The following WDR49 variants were observed in gnomAD, a reference collection of about 807,000 sequenced individuals.
The protein encoded by WDR49 is WD repeat domain 49, also known as cilia- and flagella-associated protein 337.
A neutral mutation model predicts 119.5 loss-of-function variants in WDR49; 107 were observed. The ratio of observed to expected loss-of-function variants is 0.90; its 90% CI spans 0.77 to 1.05. The LOEUF is 1.05. WDR49 is among the 50% of genes least tolerant of loss of function. The pLI is 0.00. For synonymous variants in WDR49, 425 were observed against 418.8 expected (o/e 1.01, Z -0.18); for missense variants, 1,240 against 1,220.5 (o/e 1.02, Z -0.24).
chr3:167,515,538 A>G (rs997248466), intron 16 of WDR49, among the ~76,000 whole-genome samples: 3 of 152,190 alleles, frequency 2.0e-5, no homozygotes, highest in African/African-American at 7.2e-5. Flanking sequence ...ATCATACTGA[A>G]TGGGCAAAAG....
chr3:167,616,954 G>A (rs576596557), intron 5 of WDR49, among the ~76,000 whole-genome samples: 3 of 152,278 alleles, frequency 2.0e-5, no homozygotes, highest in Non-Finnish European at 4.4e-5. Flanking sequence ...TTCATGTGAG[G>A]CATTCAAATT....
chr3:167,505,164 C>T, intron 17 of WDR49, 143 bp downstream of exon 17: 1 of 1,143,450 alleles, frequency 8.7e-7, no homozygotes, highest in Non-Finnish European at 1.1e-6. Flanking sequence ...CACTTTTCTC[C>T]TTTGTTAAAT....
chr3:167,547,068 C>T (rs1712250242), intron 10 of WDR49, among the ~76,000 whole-genome samples: 1 of 151,804 alleles, frequency 6.6e-6, no homozygotes, highest in Non-Finnish European at 1.5e-5. Flanking sequence ...TACCTGCCCC[C>T]TCTTTCCCTC....
chr3:167,482,101 C>G (rs542150710), intron 18 of WDR49, among the ~76,000 whole-genome samples: 18 of 152,092 alleles, frequency 1.2e-4, no homozygotes, highest in African/African-American at 3.4e-4. Context: ...TGTTATTAGA[C>G]TTTAGAGATA....
intron 18 of WDR49, among the ~76,000 whole-genome samples, chr3:167,483,959 A>G (rs1750823174): frequency 6.6e-6 from 1 of 152,234 alleles, no homozygotes; most frequent in African/African-American, 2.4e-5. Flanking sequence ...ATTCATAGTA[A>G]CATCTGCTAA....
rs185656959 is a variant in WDR49 at position 167,536,912 on chromosome 3, T to G, written c.1912A>C (p.Ile638Leu). 2 of 1,545,888 alleles carry G rather than the reference T, an allele frequency of 1.3e-6. No individual in the cohort carries two copies. The highest frequency in any genetic ancestry group is 5.0e-5 in the East Asian group (2 of 40,230). ...WKGGIQHHDD[I>L]LCAAFLPPQT... is the part of the protein sequence containing the mutation. ...GGAGGTAAAAACGCAGCACACAAGA[T>G]GTCATCATGGTGCTGTATACCTCCT... Residue 638 changes from isoleucine (I) to leucine (L), a missense_variant, in exon 11 of 19, where the codon ATC becomes CTC. Coordinates refer to ENST00000682715, the MANE Select transcript of WDR49 (RefSeq NM_001366157.1).
At chr3:167,618,542 G>A (rs1249229837) in intron 5 of WDR49, among the ~76,000 whole-genome samples, 1 of 152,102 alleles carries the variant, frequency 6.6e-6, no homozygotes, top group Non-Finnish European at 1.5e-5. Context: ...TCAAAGAACT[G>A]AGAAATATAT....
At chr3:167,505,501 AAAAAAC>A (rs929826785) in intron 16 of WDR49, 85 bp from the exon 17 acceptor site, 122 of 1,368,598 alleles carry the variant, frequency 8.9e-5, no homozygotes, top group Non-Finnish European at 1.2e-4. Context: ...CTTTGACCAA[AAAAAAC>A]AAAAACAAAA....
intron 16 of WDR49, among the ~76,000 whole-genome samples, chr3:167,514,906 A>T (rs1360151250): frequency 6.6e-6 from 1 of 152,178 alleles, no homozygotes; most frequent in African/African-American, 2.4e-5. Flanking sequence ...ATTCCTGGAC[A>T]CAAACACCCT....
At chr3:167,507,076 C>T (rs1751797468) in intron 16 of WDR49, among the ~76,000 whole-genome samples, 1 of 152,116 alleles carries the variant, frequency 6.6e-6, no homozygotes, top group African/African-American at 2.4e-5. Context: ...GTAATGTTTA[C>T]AATAGCTACT....
intron 3 of WDR49, among the ~76,000 whole-genome samples, chr3:167,623,941 T>G (rs1023691426): frequency 1.3e-5 from 2 of 151,916 alleles, no homozygotes; most frequent in South Asian, 4.1e-4. Flanking sequence ...CCAAAGGCGG[T>G]GTTAAGAGAA....
intron 10 of WDR49, among the ~76,000 whole-genome samples, chr3:167,549,735 T>C (rs1712436005): frequency 6.6e-6 from 1 of 152,206 alleles, no homozygotes; most frequent in Admixed American, 6.5e-5. Context: ...TTGTTGCCAT[T>C]GCTTTTGGTG....
At chr3:167,586,176 G>T (rs1191315543) in intron 7 of WDR49, among the ~76,000 whole-genome samples, 2 of 152,150 alleles carry the variant, frequency 1.3e-5, no homozygotes, top group East Asian at 3.8e-4. Context: ...ACCAAATCAG[G>T]ATTAGTGGCC....
rs57991972 is a variant in WDR49, at chr3:167,615,443, TAAAAAAAA to T, written c.958+4978_958+4985del. The stretch of plus-strand genomic sequence containing the variant: ...GGACCACCACTCCCGGCTCTCCATT[TAAAAAAAA>T]AAAAAAAAAAAGAAAGAAAGAAATT... On this transcript the variant is annotated intron_variant, in intron 5 of 18. Transcript: ENST00000682715. 1.3e-4 allele frequency among the ~76,000 whole-genome samples: 18 copies of T among 135,108 alleles called. No individual in the cohort carries two copies. In the South Asian group the frequency reaches 3.6e-3, roughly 27 times the overall value. 88.6% of individuals were successfully genotyped at this position (135,108 alleles called of 152,430 possible). A position where few individuals can be genotyped will look rare whatever the true frequency, so the allele number is the denominator to read the frequency against.
chr3:167,645,885 A>G (rs902433532), intron 2 of WDR49, among the ~76,000 whole-genome samples: 8 of 152,208 alleles, frequency 5.3e-5, no homozygotes, highest in Admixed American at 6.5e-5. Context: ...AAAGCAACCA[A>G]AGGAACATAT....
At chr3:167,595,800 T>C (rs1284421368) in intron 7 of WDR49, among the ~76,000 whole-genome samples, 2 of 151,688 alleles carry the variant, frequency 1.3e-5, no homozygotes, top group Non-Finnish European at 2.9e-5. Flanking sequence ...ATTCAGGACA[T>C]AGGCATGGGC....
intron 5 of WDR49, among the ~76,000 whole-genome samples, chr3:167,605,125 CACAT>C (rs1430199616): frequency 3.4e-4 from 52 of 150,884 alleles, no homozygotes; most frequent in Middle Eastern, 3.4e-3. Flanking sequence ...CACACACACA[CACAT>C]ACACAGGTAT....
chr3:167,610,466 G>A (rs777896947), intron 5 of WDR49, among the ~76,000 whole-genome samples: 5 of 152,218 alleles, frequency 3.3e-5, no homozygotes, highest in Non-Finnish European at 5.9e-5. Context: ...TTGGAAAAAG[G>A]AGTAAAGAGT....
intron 3 of WDR49, among the ~76,000 whole-genome samples, chr3:167,624,530 T>TTCATCAGGTTTCTAATA: frequency 6.6e-6 from 1 of 152,098 alleles, no homozygotes; most frequent in South Asian, 2.1e-4. Context: ...ATGTTCATTG[T>TTCATCAGGTTTCTAATA]CTTCTTTGTA....
Sources: allele counts gnomAD v4.1 joint callset (sites outside exome capture counted in the v4.1 genomes callset), GRCh38; gene constraint gnomAD v4.1.1; transcripts MANE v1.5; gene names NCBI Gene and HGNC (gene_info 2026-07-23, HGNC 2026-07-21).